The following MCF2L2 variants were observed in gnomAD, a reference collection of about 807,000 sequenced individuals.
The protein encoded by MCF2L2 is probable guanine nucleotide exchange factor MCF2L2.
MCF2L2 carries 102 observed loss-of-function variants against 150.2 expected under a neutral mutation model. The ratio of observed to expected loss-of-function variants is 0.68; its 90% confidence interval spans 0.58 to 0.80. The LOEUF (loss-of-function observed/expected upper bound fraction) is 0.80, where lower values mean the gene tolerates loss of function less well. Ranked by LOEUF, MCF2L2 falls within the 30% of genes least tolerant of loss-of-function variation. MCF2L2 has a pLI of 0.00. For synonymous variants in MCF2L2, 465 were observed against 491.3 expected (o/e 0.95, Z 0.71); for missense variants, 1,256 against 1,372.8 (o/e 0.91, Z 1.34).
chr3:183,342,627 TGTGTGTGTGTGTGTG>T (rs1730748352), intron 3 of MCF2L2, among the ~76,000 whole-genome samples: 1 of 12,516 alleles, frequency 8.0e-5, no homozygotes, highest in African/African-American at 7.9e-4. Flanking sequence ...TAAATGTGTG[TGTGTGTGTGTGTGTG>T]TGTGTGTGTG....
rs544663358 is a variant in MCF2L2, at chr3:183,379,374, G to A, written c.198C>T (p.Phe66=). The change falls in exon 3 of 30, where the codon TTC becomes TTT. Residue 66 remains phenylalanine (F), a synonymous_variant. Transcript: ENST00000328913. ...RGEDGAPIIT[F]PEFSGFKHIP... ...TGTGTTTGAACCCCGAAAACTCTGG[G>A]AACGTGATGATGGGGGCGCCATCCT... 99 of 1,610,862 alleles carry A rather than the reference G, an allele frequency of 6.1e-5. No homozygotes were observed. The South Asian group carries it at 8.5e-4, about 14-fold the overall frequency.
intron 14 of MCF2L2, among the ~76,000 whole-genome samples, chr3:183,285,589 A>G (rs1727744571): frequency 6.6e-6 from 1 of 152,250 alleles, no homozygotes; most frequent in Non-Finnish European, 1.5e-5. Flanking sequence ...TCTGGCCTTC[A>G]GCCAGTGATA....
intron 1 of MCF2L2, 136 bp downstream of exon 1, chr3:183,427,766 G>A (rs969453769): frequency 2.7e-6 from 2 of 749,156 alleles, no homozygotes; most frequent in South Asian, 1.5e-5. Flanking sequence ...CCAGAGCAGC[G>A]AGGCCCAGAT....
intron 9 of MCF2L2, among the ~76,000 whole-genome samples, chr3:183,310,223 C>T (rs1044973994): frequency 2.6e-5 from 4 of 151,592 alleles, no homozygotes; most frequent in Non-Finnish European, 4.4e-5. Context: ...TTATCTGGGC[C>T]GGGCGCAGTG....
At chr3:183,276,787 A>G in intron 15 of MCF2L2, 85 bp downstream of exon 15, 2 of 831,162 alleles carry the variant, frequency 2.4e-6, no homozygotes, top group Non-Finnish European at 3.9e-6. Context: ...TGGGAAAGAC[A>G]GGTGCTGAGG....
intron 4 of MCF2L2, 150 bp from the exon 5 acceptor site, chr3:183,339,069 G>T: frequency 1.5e-6 from 1 of 659,406 alleles, no homozygotes; most frequent in Non-Finnish European, 2.3e-6. Context: ...CAGATTTCAG[G>T]GCTAAAAGAG....
intron 3 of MCF2L2, among the ~76,000 whole-genome samples, chr3:183,355,607 C>T (rs951831588): frequency 2.5e-4 from 30 of 121,904 alleles, no homozygotes; most frequent in African/African-American, 1.0e-3. Flanking sequence ...CCACCACGCC[C>T]AGCTAATTTT....
intron 2 of MCF2L2, among the ~76,000 whole-genome samples, chr3:183,381,374 T>G (rs571891066): frequency 6.6e-6 from 1 of 152,284 alleles, no homozygotes; most frequent in East Asian, 1.9e-4. Context: ...CAGCCCACTC[T>G]GAGAGTCCAA....
chr3:183,362,056 T>C (rs1712240086), intron 3 of MCF2L2, among the ~76,000 whole-genome samples: 1 of 152,214 alleles, frequency 6.6e-6, no homozygotes, highest in South Asian at 2.1e-4. Flanking sequence ...TCATTAGGTA[T>C]ACGCAAATAT....
At chr3:183,407,232 G>C (rs898196387) in intron 1 of MCF2L2, among the ~76,000 whole-genome samples, 5 of 151,960 alleles carry the variant, frequency 3.3e-5, no homozygotes, top group Non-Finnish European at 5.9e-5. Context: ...CTATCCTTTT[G>C]CCAATACCAC....
chr3:183,248,795 C>T (rs139601215), intron 15 of MCF2L2, among the ~76,000 whole-genome samples: 1 of 152,170 alleles, frequency 6.6e-6, no homozygotes, highest in East Asian at 1.9e-4. Flanking sequence ...AGTGACCGGC[C>T]ATTGTATTCC....
At chr3:183,402,441 G>A (rs1187777200) in intron 1 of MCF2L2, among the ~76,000 whole-genome samples, 4 of 84,830 alleles carry the variant, frequency 4.7e-5, no homozygotes, top group African/African-American at 1.4e-4. Context: ...GCTACAGAGC[G>A]AGACTCCATC....
In MCF2L2 at chr3:183,193,075, G is replaced by A. The variant is rs779928412; in HGVS notation, c.2940C>T (p.Ser980=). 26 of 1,613,852 alleles carry A rather than the reference G, an allele frequency of 1.6e-5. No individual in the cohort carries two copies. The highest frequency in any genetic ancestry group is 5.5e-5 in the South Asian group (5 of 91,060). The change falls in exon 27 of 30, where the codon TCC becomes TCT. Residue 980 remains serine (S), a synonymous_variant. Transcript: ENST00000328913. ...TTTCCATATTTTTAATCCATGGTCC[G>A]GATCCTGCTCCACTGCCTTTGCTTT... ...MSTSKGSGAG[S]GPWIKNMERA... is the part of the protein sequence containing the mutation.
intron 7 of MCF2L2, among the ~76,000 whole-genome samples, chr3:183,313,793 G>T (rs145337845): frequency 2.0e-3 from 304 of 152,286 alleles, no homozygotes; most frequent in African/African-American, 7.1e-3. Flanking sequence ...TGTGCAGACA[G>T]GGTCCCGTTG....
rs189521037 is a variant in MCF2L2, at chr3:183,411,665, G to A, written c.76+16237C>T. ...CACACATGAGCCTTTGGAACACAAA[G>A]GATGGCCTGTAGCCATAGCTGAGAA... On this transcript the variant is annotated intron_variant, in intron 1 of 29. Coordinates refer to ENST00000328913, the MANE Select transcript of MCF2L2 (RefSeq NM_015078.4). Among the ~76,000 whole-genome samples the A allele has an allele frequency of 2.6e-5, 4 of 151,084 alleles. No homozygotes were observed. The East Asian group carries it at 5.8e-4, about 22-fold the overall frequency.
At chr3:183,424,851 A>G (rs1716078365) in intron 1 of MCF2L2, among the ~76,000 whole-genome samples, 1 of 152,202 alleles carries the variant, frequency 6.6e-6, no homozygotes, top group Admixed American at 6.5e-5. Flanking sequence ...GAGGTGAGAA[A>G]AGGTCTGGAA....
At chr3:183,274,309 T>C (rs905454771) in intron 15 of MCF2L2, among the ~76,000 whole-genome samples, 8 of 152,206 alleles carry the variant, frequency 5.3e-5, no homozygotes, top group African/African-American at 1.4e-4. Flanking sequence ...CCTGTAGTTA[T>C]AGCGCTTTAA....
chr3:183,230,188 A>G (rs1560355627), intron 16 of MCF2L2, among the ~76,000 whole-genome samples: 1 of 152,126 alleles, frequency 6.6e-6, no homozygotes, highest in Non-Finnish European at 1.5e-5. Flanking sequence ...ATCTCGGCTC[A>G]CTGCAACCTC....
chr3:183,184,949 G>C (rs1243334296), intron 27 of MCF2L2, among the ~76,000 whole-genome samples: 1 of 148,590 alleles, frequency 6.7e-6, no homozygotes, highest in South Asian at 2.1e-4. Flanking sequence ...ACGGAGTCTC[G>C]CTCTATTGCC....
Sources: gnomAD v4.1 joint callset for allele counts (sites outside exome capture counted in the v4.1 genomes callset) on GRCh38, gnomAD v4.1.1 for gene constraint, MANE v1.5 for transcripts, NCBI Gene and HGNC (gene_info 2026-07-23, HGNC 2026-07-21) for gene names.